The following TSEN2 variants were observed in gnomAD, a reference collection of about 807,000 sequenced individuals.
TSEN2 encodes tRNA splicing endonuclease subunit 2.
TSEN2 carries 54 observed loss-of-function variants against 59.2 expected under a neutral mutation model. The ratio of observed to expected loss-of-function variants is 0.91; its 90% CI spans 0.73 to 1.14. The LOEUF (loss-of-function observed/expected upper bound fraction) is 1.14, where lower values mean the gene tolerates loss of function less well. Ranked by LOEUF, TSEN2 falls within the 50% of genes most tolerant of loss-of-function variation. The pLI, the probability that TSEN2 is intolerant of heterozygous loss-of-function variation, is 0.00. For synonymous variants in TSEN2, 195 were observed against 198.2 expected (o/e 0.98, Z 0.14); for missense variants, 636 against 576.2 (o/e 1.10, Z -1.06).
At chr3:12,483,327 G>A (rs898952279), upstream of TSEN2, among the ~76,000 whole-genome samples, 1 of 152,234 alleles carries the variant, frequency 6.6e-6, no homozygotes, top group Non-Finnish European at 1.5e-5. Flanking sequence ...AGTGAGGTAA[G>A]TGAGCTGAGA....
chr3:12,532,091 G>C (rs1275623762), intron 11 of TSEN2, among the ~76,000 whole-genome samples: 1 of 152,160 alleles, frequency 6.6e-6, no homozygotes, highest in Non-Finnish European at 1.5e-5. Context: ...GTGTGTGTCC[G>C]TGTTTCTGCA....
intron 8 of TSEN2, among the ~76,000 whole-genome samples, chr3:12,522,713 A>G (rs1283500212): frequency 2.6e-5 from 4 of 152,228 alleles, no homozygotes; most frequent in African/African-American, 9.6e-5. Context: ...TGAAATTCAC[A>G]CCTTATCAGG....
At chr3:12,520,003 T>G (rs1390619333) in intron 8 of TSEN2, among the ~76,000 whole-genome samples, 1 of 130,994 alleles carries the variant, frequency 7.6e-6, no homozygotes, top group Non-Finnish European at 1.6e-5. Context: ...GCTTACTGTC[T>G]TTTTTTTTTT....
intron 3 of TSEN2, among the ~76,000 whole-genome samples, chr3:12,494,466 A>G (rs1263807429): frequency 6.6e-6 from 1 of 152,098 alleles, no homozygotes; most frequent in Non-Finnish European, 1.5e-5. Flanking sequence ...CTCCGATCTC[A>G]GCTCACTGCA....
At chr3:12,504,795 G>GT (rs762728050) in intron 5 of TSEN2, among the ~76,000 whole-genome samples, 2 of 152,066 alleles carry the variant, frequency 1.3e-5, no homozygotes, top group African/African-American at 2.4e-5. Flanking sequence ...GAAGCGGGAG[G>GT]GTTGCTTGAG....
rs191557062 is a variant in TSEN2 at position 12,514,303 on chromosome 3, A to T, written c.910-2308A>T. Among the ~76,000 whole-genome samples, 276 of 152,346 alleles carry T rather than the reference A, an allele frequency of 1.8e-3. 3 individuals are homozygous for T. Among genetic ancestry groups the T allele is most frequent in the Admixed American group, 0.016 (240 of 15,294 alleles). Reference sequence around the variant, plus strand: ...ACAGAAGTGCAGCCAGGACAGCTGGAAAGAGCAGTGGTAAGATCATGCAGG... The same window carrying T: ...ACAGAAGTGCAGCCAGGACAGCTGGTAAGAGCAGTGGTAAGATCATGCAGG... On this transcript the variant is annotated intron_variant, in intron 6 of 11. Coordinates refer to ENST00000284995, the MANE Select transcript of TSEN2 (RefSeq NM_025265.4).
At chr3:12,524,542 C>G (rs2056923643) in intron 8 of TSEN2, among the ~76,000 whole-genome samples, 1 of 152,122 alleles carries the variant, frequency 6.6e-6, no homozygotes. Flanking sequence ...CTTATAAGGA[C>G]ACTTGACATT....
intron 1 of TSEN2, 102 bp downstream of exon 1, chr3:12,484,982 G>C (rs2052450252): frequency 6.6e-6 from 1 of 152,232 alleles, no homozygotes; most frequent in African/African-American, 2.4e-5. Context: ...CCACGTGGTA[G>C]GCCCCGAACG....
intron 4 of TSEN2, among the ~76,000 whole-genome samples, chr3:12,497,704 C>T (rs919537971): frequency 6.6e-6 from 1 of 152,248 alleles, no homozygotes; most frequent in African/African-American, 2.4e-5. Context: ...AGGTTCTGCA[C>T]AGGGAGAGGG....
chr3:12,530,329 T>G, intron 10 of TSEN2: 3 of 987,138 alleles, frequency 3.0e-6, no homozygotes, highest in Non-Finnish European at 3.6e-6. Context: ...GTTATCCTCA[T>G]CCTGAGGATG....
At chr3:12,494,330 A>G (rs928980216) in intron 3 of TSEN2, among the ~76,000 whole-genome samples, 2 of 152,222 alleles carry the variant, frequency 1.3e-5, no homozygotes, top group African/African-American at 4.8e-5. Flanking sequence ...CACAGTATAA[A>G]GGAAAGTACA....
chr3:12,491,931 T>C (rs1158810863), intron 2 of TSEN2, among the ~76,000 whole-genome samples: 1 of 152,196 alleles, frequency 6.6e-6, no homozygotes, highest in Non-Finnish European at 1.5e-5. Flanking sequence ...AGAGATGACT[T>C]AAAGTATATG....
At chr3:12,532,597 CTGTGG>C in intron 11 of TSEN2, 60 bp from the exon 12 acceptor site, 1 of 1,509,790 alleles carries the variant, frequency 6.6e-7, no homozygotes, top group Non-Finnish European at 9.2e-7. Flanking sequence ...GTGGTGTCAG[CTGTGG>C]TGTCAGAATG....
At chr3:12,490,787 A>G (rs918103099) in intron 2 of TSEN2, among the ~76,000 whole-genome samples, 8 of 152,174 alleles carry the variant, frequency 5.3e-5, no homozygotes, top group Middle Eastern at 3.2e-3. Flanking sequence ...GCAGCCACGG[A>G]ATGGCGTCTT....
chr3:12,525,635 C>T (rs1240903668), intron 8 of TSEN2, among the ~76,000 whole-genome samples: 1 of 152,186 alleles, frequency 6.6e-6, no homozygotes, highest in Non-Finnish European at 1.5e-5. Flanking sequence ...CAGCTCACTG[C>T]ATCCTCAACC....
chr3:12,539,137 C>CTTT, intron 10 of TSEN2: 6 of 370,710 alleles, frequency 1.6e-5, no homozygotes, highest in Admixed American at 3.1e-5. Flanking sequence ...GTGCTTTTTT[C>CTTT]TTTTTTTTTT....
intron 8 of TSEN2, among the ~76,000 whole-genome samples, chr3:12,521,110 A>G (rs1476140952): frequency 6.6e-6 from 1 of 152,216 alleles, no homozygotes; most frequent in Non-Finnish European, 1.5e-5. Context: ...CTCACAAAAG[A>G]CACGATCTTG....
intron 4 of TSEN2, among the ~76,000 whole-genome samples, chr3:12,497,096 T>C (rs299650): frequency 0.64 from 98,013 of 152,120 alleles, 34,176 homozygotes; most frequent in African/African-American, 0.91. Context: ...CTCCTCTGTC[T>C]TGGCTGCTGC....
chr3:12,520,820 T>G (rs1365020925), intron 8 of TSEN2, among the ~76,000 whole-genome samples: 1 of 152,050 alleles, frequency 6.6e-6, no homozygotes, highest in African/African-American at 2.4e-5. Flanking sequence ...AGGGTACATG[T>G]GCAGGTTTGT....
Sources: allele counts gnomAD v4.1 joint callset (sites outside exome capture counted in the v4.1 genomes callset), GRCh38; gene constraint gnomAD v4.1.1; transcripts MANE v1.5; gene names NCBI Gene and HGNC (gene_info 2026-07-23, HGNC 2026-07-21).